WWOX: variants seen among roughly 807,000 people sequenced by gnomAD.
WWOX encodes WW domain containing oxidoreductase.
WWOX carries 69 observed loss-of-function variants against 46.2 expected under a neutral mutation model. The observed-to-expected ratio is 1.49, with a 90% confidence interval of 1.23 to 1.82. WWOX has a LOEUF of 1.82. Among genes scored for constraint, WWOX ranks in the 40% most tolerant of loss-of-function variants. WWOX has a pLI of 0.00. For synonymous variants in WWOX, 359 were observed against 202.6 expected, an observed-to-expected ratio of 1.77 and a Z score of -6.56; for missense variants, 919 against 542.6, an observed-to-expected ratio of 1.69 and a Z score of -6.89.
At chr16:79,015,178 A>C (rs750917248) in intron 8 of WWOX, among the ~76,000 whole-genome samples, 5 of 152,216 alleles carry the variant, frequency 3.3e-5, no homozygotes, top group Non-Finnish European at 7.4e-5. Context: ...GCAGTGTTCT[A>C]GGTATGGTCT....
At chr16:78,401,771 C>T (rs924694995) in intron 6 of WWOX, among the ~76,000 whole-genome samples, 6 of 152,046 alleles carry the variant, frequency 3.9e-5, no homozygotes, top group African/African-American at 1.2e-4. Context: ...GTGATCTTGG[C>T]TCACTGCAAC....
At chr16:78,726,028 C>G (rs1356878304) in intron 8 of WWOX, among the ~76,000 whole-genome samples, 1 of 147,304 alleles carries the variant, frequency 6.8e-6, no homozygotes, top group Non-Finnish European at 1.5e-5. Flanking sequence ...CCTTCTAGTT[C>G]TCCTCCTTTC....
intron 5 of WWOX, chr16:78,167,801 T>C (rs562948544): frequency 3.3e-5 from 5 of 152,364 alleles, no homozygotes; most frequent in African/African-American, 1.2e-4. Context: ...CTGTTAGGCT[T>C]CGTCTCTATA....
At position 79,151,937 on chromosome 16, in the gene WWOX, G is replaced by A. The variant is rs377309036; in HGVS notation, c.1057-59671G>A. On this transcript the variant is annotated intron_variant, in intron 8 of 8. Transcript: ENST00000566780. ...CATGAAATATCACATGTAAATAGCC[G>A]AGGATATCTGGGCTCTGAGTCTTTA... Among the ~76,000 whole-genome samples, 28 of 152,238 alleles carry A rather than the reference G, an allele frequency of 1.8e-4. No individual in the cohort carries two copies. The South Asian group carries it at 3.1e-3, about 17-fold the overall frequency.
intron 8 of WWOX, among the ~76,000 whole-genome samples, chr16:79,079,468 C>G (rs986717331): frequency 6.6e-6 from 1 of 152,222 alleles, no homozygotes; most frequent in Non-Finnish European, 1.5e-5. Context: ...CCTTGGGAGA[C>G]AGTCTTTCTT....
intron 8 of WWOX, among the ~76,000 whole-genome samples, chr16:78,540,524 A>G (rs369333876): frequency 1.1e-4 from 17 of 152,266 alleles, no homozygotes; most frequent in East Asian, 9.7e-4. Context: ...TTGGACAGAT[A>G]AACAACATGT....
At chr16:79,058,609 G>C (rs1482426963) in intron 8 of WWOX, among the ~76,000 whole-genome samples, 1 of 152,128 alleles carries the variant, frequency 6.6e-6, no homozygotes, top group East Asian at 1.9e-4. Context: ...CCTTTATGAA[G>C]CTGGCCTAAT....
intron 8 of WWOX, among the ~76,000 whole-genome samples, chr16:78,511,317 G>A (rs187686653): frequency 4.6e-5 from 7 of 152,194 alleles, no homozygotes; most frequent in South Asian, 4.2e-4. Flanking sequence ...GGATGCCTTC[G>A]GTCCAGACAC....
chr16:78,351,927 G>A (rs1004573588), intron 5 of WWOX, among the ~76,000 whole-genome samples: 1 of 152,226 alleles, frequency 6.6e-6, no homozygotes, highest in East Asian at 1.9e-4. Context: ...AAAGTGCTGG[G>A]ATTATAGGCA....
chr16:79,041,088 C>T (rs1205537083), intron 8 of WWOX, among the ~76,000 whole-genome samples: 3 of 152,012 alleles, frequency 2.0e-5, no homozygotes, highest in Non-Finnish European at 2.9e-5. Flanking sequence ...TGTCCTAATA[C>T]ATGTAATTCA....
intron 6 of WWOX, among the ~76,000 whole-genome samples, chr16:78,387,473 T>C (rs777994895): frequency 1.2e-4 from 19 of 152,110 alleles, no homozygotes; most frequent in Non-Finnish European, 1.9e-4. Context: ...TTTCAGTCTT[T>C]CAAAATTCCA....
At chr16:78,533,706 G>A (rs77546871) in intron 8 of WWOX, among the ~76,000 whole-genome samples, 2,164 of 152,282 alleles carry the variant, frequency 0.014, 22 homozygotes, top group African/African-American at 0.027. Context: ...ACCTCGATTT[G>A]TGCTCCAGGT....
intron 8 of WWOX, among the ~76,000 whole-genome samples, chr16:78,547,164 T>G (rs2044059948): frequency 9.2e-6 from 1 of 109,098 alleles, no homozygotes; most frequent in East Asian, 3.0e-4. Context: ...AAAAAACAAC[T>G]ACCAGGCCTG....
chr16:78,720,434 A>T (rs2048662199), intron 8 of WWOX, among the ~76,000 whole-genome samples: 1 of 150,322 alleles, frequency 6.7e-6, no homozygotes, highest in Non-Finnish European at 1.5e-5. Flanking sequence ...ATCATTTTAT[A>T]TTTTGAAATT....
chr16:78,317,946 G>C (rs962029166), intron 5 of WWOX, among the ~76,000 whole-genome samples: 1 of 152,122 alleles, frequency 6.6e-6, no homozygotes, highest in Admixed American at 6.5e-5. Flanking sequence ...TTCTTTTTCA[G>C]CCTGGGTTTG....
At chr16:78,884,313 C>G (rs2044407578) in intron 8 of WWOX, among the ~76,000 whole-genome samples, 1 of 146,174 alleles carries the variant, frequency 6.8e-6, no homozygotes, top group Non-Finnish European at 1.5e-5. Flanking sequence ...ATTTTTAAGA[C>G]TATGACTGGT....
At chr16:78,245,360 G>C (rs990937114) in intron 5 of WWOX, among the ~76,000 whole-genome samples, 5 of 152,258 alleles carry the variant, frequency 3.3e-5, no homozygotes, top group African/African-American at 1.2e-4. Flanking sequence ...TGGTTCTAAA[G>C]CATTTTTCCC....
intron 8 of WWOX, among the ~76,000 whole-genome samples, chr16:78,800,671 C>A (rs909322089): frequency 6.6e-6 from 1 of 152,196 alleles, no homozygotes; most frequent in Non-Finnish European, 1.5e-5. Context: ...AAAGATTCAA[C>A]TGAAAACATT....
intron 5 of WWOX, among the ~76,000 whole-genome samples, chr16:78,181,591 G>A (rs75059723): frequency 0.046 from 7,066 of 152,214 alleles, 245 homozygotes; most frequent in African/African-American, 0.091. Flanking sequence ...TGGGAGAGGA[G>A]GAATTTAGGG....
Sources: gnomAD v4.1 joint callset for allele counts (sites outside exome capture counted in the v4.1 genomes callset) on GRCh38, gnomAD v4.1.1 for gene constraint, MANE v1.5 for transcripts, NCBI Gene and HGNC (gene_info 2026-07-23, HGNC 2026-07-21) for gene names.